Variants in LYRM4 observed in about 807,000 individuals in gnomAD.
LYRM4 encodes the protein LYR motif-containing protein 4.
Under a neutral mutation model 11.7 loss-of-function variants are expected in LYRM4, and 9 were observed. The ratio of observed to expected loss-of-function variants is 0.77; its 90% CI spans 0.46 to 1.34. The LOEUF is 1.34. Ranked by LOEUF, LYRM4 falls within the 40% of genes most tolerant of loss-of-function variation. The pLI is 0.00. For missense variants in LYRM4, 133 were observed against 112.5 expected (o/e 1.18, Z -0.82); for synonymous variants, 42 against 40.4 (o/e 1.04, Z -0.15).
chr6:5,123,696 C>T (rs1036488675), intron 2 of LYRM4, among the ~76,000 whole-genome samples: 4 of 152,202 alleles, frequency 2.6e-5, no homozygotes, highest in African/African-American at 4.8e-5. Context: ...TGCTCTAGCG[C>T]GACCAGATTC....
At chr6:5,224,230 C>T (rs1762748755) in intron 1 of LYRM4, among the ~76,000 whole-genome samples, 1 of 152,150 alleles carries the variant, frequency 6.6e-6, no homozygotes, top group Admixed American at 6.6e-5. Context: ...AATAAGACCA[C>T]AGTAAATAAA....
At chr6:5,117,841 T>C (rs1462765736) in intron 2 of LYRM4, among the ~76,000 whole-genome samples, 1 of 151,990 alleles carries the variant, frequency 6.6e-6, no homozygotes, top group Admixed American at 6.6e-5. Context: ...GAATAAATAC[T>C]GCACTCTAGT....
In LYRM4 at chr6:5,118,115, G is replaced by GTT. The variant is rs368008500; in HGVS notation, c.208-8626_208-8625dup. Among the ~76,000 whole-genome samples the GTT allele has an allele frequency of 1.2e-3, 162 of 130,528 alleles. 3 individuals are homozygous for GTT. Among genetic ancestry groups the GTT allele is most frequent in the African/African-American group, 4.5e-3 (156 of 34,678 alleles). 85.6% of individuals were successfully genotyped at this position (130,528 alleles called of 152,430 possible). A position where few individuals can be genotyped will look rare whatever the true frequency, so the allele number is the denominator to read the frequency against. ...ATATATTTTTGTTTTGTTTTGTTTT[G>GTT]TTTTTTTTTTTGAGACAGAGTCTCA... On this transcript the variant is annotated intron_variant, in intron 2 of 2. Transcript: ENST00000330636.
chr6:5,254,442 G>A (rs1417940473), intron 1 of LYRM4, among the ~76,000 whole-genome samples: 2 of 152,140 alleles, frequency 1.3e-5, no homozygotes, highest in East Asian at 3.9e-4. Flanking sequence ...GATTGTAATA[G>A]TTCCTATTTT....
chr6:5,245,478 A>C (rs1764155399), intron 1 of LYRM4, among the ~76,000 whole-genome samples: 1 of 152,056 alleles, frequency 6.6e-6, no homozygotes, highest in Non-Finnish European at 1.5e-5. Context: ...ATGGCAGTCT[A>C]GTGAAAATGT....
intron 2 of LYRM4, among the ~76,000 whole-genome samples, chr6:5,171,808 T>C (rs1463067079): frequency 2.0e-5 from 3 of 152,356 alleles, no homozygotes; most frequent in African/African-American, 7.2e-5. Flanking sequence ...TTATCAAACA[T>C]GGCAGATTTA....
chr6:5,193,507 T>C (rs1402741000), intron 2 of LYRM4, among the ~76,000 whole-genome samples: 1 of 152,162 alleles, frequency 6.6e-6, no homozygotes, highest in Non-Finnish European at 1.5e-5. Flanking sequence ...GGATTCTGTG[T>C]GTTGTGTTTC....
At chr6:5,239,444 G>C (rs1161691672) in intron 1 of LYRM4, among the ~76,000 whole-genome samples, 1 of 152,046 alleles carries the variant, frequency 6.6e-6, no homozygotes, top group Non-Finnish European at 1.5e-5. Flanking sequence ...ACAAATGGAG[G>C]GGAATCACTA....
At chr6:5,260,609 TGGCCCCC>T (rs766721319) in intron 1 of LYRM4, 32 bp downstream of exon 1, 20 of 594,232 alleles carry the variant, frequency 3.4e-5, no homozygotes, top group South Asian at 3.0e-4. Context: ...CCCCGGCCCC[TGGCCCCC>T]CGCCCCCGGC....
rs1175202071 is a variant in LYRM4, at chr6:5,120,264, C to T, written c.208-10773G>A. Among the ~76,000 whole-genome samples the T allele has an allele frequency of 2.6e-5, 4 of 152,308 alleles. No individual in the cohort carries two copies. The East Asian group carries it at 5.8e-4, about 22-fold the overall frequency. The stretch of plus-strand genomic sequence containing the variant: ...GGGCAGCTAGCAGTGGTTCTCATCT[C>T]ACAAGCTTTCTGTTCCCTCTGCAGG... On this transcript the variant is annotated intron_variant, in intron 2 of 2. Coordinates refer to ENST00000330636, the MANE Select transcript of LYRM4 (RefSeq NM_020408.6).
chr6:5,119,612 C>A (rs1268913657), intron 2 of LYRM4, among the ~76,000 whole-genome samples: 1 of 151,858 alleles, frequency 6.6e-6, no homozygotes, highest in East Asian at 2.0e-4. Context: ...TGTGACAAGA[C>A]CCCGTCGCTA....
At chr6:5,078,010 T>G in the LYRM4 span, among the ~76,000 whole-genome samples, 6 of 152,318 alleles carry the variant, frequency 3.9e-5, no homozygotes, top group East Asian at 9.6e-4. Flanking sequence ...CAGAAACATT[T>G]TGGGGTTCAT....
At chr6:5,241,781 A>T (rs1266242902) in intron 1 of LYRM4, among the ~76,000 whole-genome samples, 1 of 152,216 alleles carries the variant, frequency 6.6e-6, no homozygotes, top group African/African-American at 2.4e-5. Flanking sequence ...CATATGTTAT[A>T]TATCAATATC....
the LYRM4 span, among the ~76,000 whole-genome samples, chr6:5,051,059 G>C: frequency 1.2e-4 from 18 of 152,122 alleles, no homozygotes. Flanking sequence ...CTCAAAAACA[G>C]ATTTGAACAG....
At chr6:5,168,118 AAAAC>A (rs1199204320) in intron 2 of LYRM4, among the ~76,000 whole-genome samples, 9 of 147,844 alleles carry the variant, frequency 6.1e-5, no homozygotes, top group African/African-American at 2.4e-4. Context: ...TTAAAAAAAA[AAAAC>A]AAAAAACAGT....
At chr6:5,153,459 C>T (rs6597116) in intron 2 of LYRM4, among the ~76,000 whole-genome samples, 91,908 of 152,126 alleles carry the variant, frequency 0.6, 28,343 homozygotes, top group East Asian at 0.74. Context: ...GCCTGCCCAG[C>T]TGGGCAGAGA....
At chr6:5,175,199 TGCATAGACAAGA>T (rs1207691325) in intron 2 of LYRM4, among the ~76,000 whole-genome samples, 3 of 152,222 alleles carry the variant, frequency 2.0e-5, no homozygotes, top group Non-Finnish European at 4.4e-5. Context: ...TCAGAGCCAG[TGCATAGACAAGA>T]GCATAAACCC....
chr6:5,232,260 A>G (rs1357591853), intron 1 of LYRM4, among the ~76,000 whole-genome samples: 1 of 152,224 alleles, frequency 6.6e-6, no homozygotes, highest in East Asian at 1.9e-4. Context: ...GGCTGAAGGA[A>G]CCTGGTCATC....
the LYRM4 span, among the ~76,000 whole-genome samples, chr6:5,052,144 G>A: frequency 6.6e-6 from 1 of 152,306 alleles, no homozygotes; most frequent in East Asian, 1.9e-4. Context: ...AGGTTGAAAT[G>A]AAAGGGCACT....
Sources: gnomAD v4.1 joint callset for allele counts (sites outside exome capture counted in the v4.1 genomes callset) on GRCh38, gnomAD v4.1.1 for gene constraint, MANE v1.5 for transcripts, NCBI Gene and HGNC (gene_info 2026-07-23, HGNC 2026-07-21) for gene names.